USP24: variants seen among roughly 807,000 people sequenced by gnomAD.
The protein encoded by USP24 is ubiquitin carboxyl-terminal hydrolase 24.
A neutral mutation model predicts 361.6 loss-of-function variants in USP24; 97 were observed. The observed-to-expected ratio is 0.27, with a 90% CI of 0.23 to 0.32. The LOEUF is 0.32. Among genes scored for constraint, USP24 ranks in the 10% least tolerant of loss-of-function variants. The pLI is 1.00. For missense variants in USP24, 2,353 were observed against 3,165.6 expected (o/e 0.74, Z 6.16); for synonymous variants, 1,098 against 1,124.6 (o/e 0.98, Z 0.47).
At chr1:55,171,414 G>T (rs1649429637) in intron 5 of USP24, 142 bp downstream of exon 5, 1 of 1,045,756 alleles carries the variant, frequency 9.6e-7, no homozygotes, top group Non-Finnish European at 1.3e-6. Flanking sequence ...AAAAAATGTA[G>T]GCAATTTTAT....
intron 1 of USP24, among the ~76,000 whole-genome samples, chr1:55,199,434 T>C (rs1569768904): frequency 6.6e-6 from 1 of 152,206 alleles, no homozygotes. Flanking sequence ...AACTAAATAA[T>C]AGACAATATT....
intron 64 of USP24, 165 bp from the exon 65 acceptor site, chr1:55,073,026 T>C: frequency 1.6e-6 from 1 of 635,356 alleles, no homozygotes; most frequent in Non-Finnish European, 2.6e-6. Context: ...AGACAGAAAT[T>C]ACAATTGCTT....
rs751181453 is a variant in USP24, at chr1:55,106,285, A to G, written c.4763-22T>C. On this transcript the variant is annotated intron_variant, in intron 40 of 67. Coordinates refer to ENST00000294383, the MANE Select transcript of USP24 (RefSeq NM_015306.3). The stretch of plus-strand genomic sequence containing the variant: ...GAACCTGGAATAGAGCATAATATTC[A>G]TGTTGAAGATGAACACATATTTTAA... 4.6e-6 allele frequency: 7 copies of G among 1,532,024 alleles called. No individual in the cohort carries two copies. In the East Asian group the frequency reaches 1.6e-4, roughly 35 times the overall value. The allele number at this position is 1,532,024 out of a possible 1,614,324, so 94.9% of individuals were successfully genotyped here.
At chr1:55,071,971 T>C in intron 66 of USP24, 47 bp from the exon 67 acceptor site, 2 of 1,523,214 alleles carry the variant, frequency 1.3e-6, no homozygotes, top group Non-Finnish European at 1.8e-6. Context: ...GCCCATTCAG[T>C]GGCAGCAGCA....
intron 38 of USP24, 78 bp downstream of exon 38, chr1:55,120,518 G>C (rs768758278): frequency 7.1e-7 from 1 of 1,415,892 alleles, no homozygotes; most frequent in Non-Finnish European, 9.3e-7. Flanking sequence ...ATGCACTGTG[G>C]ACTTCAGGGG....
At chr1:55,110,932 CAT>C (rs1280772107) in intron 38 of USP24, among the ~76,000 whole-genome samples, 10 of 151,962 alleles carry the variant, frequency 6.6e-5, no homozygotes, top group Admixed American at 2.0e-4. Flanking sequence ...TATACACAAA[CAT>C]ATAGAAAAGG....
At chr1:55,147,935 A>G (rs1009648241) in intron 17 of USP24, 137 bp from the exon 18 acceptor site, 1 of 852,852 alleles carries the variant, frequency 1.2e-6, no homozygotes, top group African/African-American at 1.7e-5. Context: ...CGTATTTCCT[A>G]CACAAAAGTA....
At chr1:55,168,136 A>G (rs2100789155) in intron 5 of USP24, among the ~76,000 whole-genome samples, 1 of 152,310 alleles carries the variant, frequency 6.6e-6, no homozygotes, top group African/African-American at 2.4e-5. Context: ...AAGGCACTGC[A>G]GTATCCTGAA....
intron 5 of USP24, among the ~76,000 whole-genome samples, chr1:55,168,409 T>C (rs1316293427): frequency 6.6e-6 from 1 of 151,628 alleles, no homozygotes; most frequent in Non-Finnish European, 1.5e-5. Context: ...AAAAATATAG[T>C]TGAGTTGACA....
chr1:55,127,500 C>T (rs1489444181), intron 32 of USP24, among the ~76,000 whole-genome samples: 1 of 152,148 alleles, frequency 6.6e-6, no homozygotes, highest in Non-Finnish European at 1.5e-5. Flanking sequence ...CAAGTCTTTG[C>T]TATTGTGAAT....
intron 38 of USP24, among the ~76,000 whole-genome samples, chr1:55,112,571 T>C (rs1025701751): frequency 2.6e-5 from 4 of 152,234 alleles, no homozygotes; most frequent in African/African-American, 7.2e-5. Context: ...AGTTTCCATG[T>C]AGTTGTGCGA....
intron 5 of USP24, among the ~76,000 whole-genome samples, chr1:55,168,085 A>G (rs1365381837): frequency 6.6e-6 from 1 of 152,170 alleles, no homozygotes; most frequent in Non-Finnish European, 1.5e-5. Flanking sequence ...GAGGTGAAGG[A>G]GTCAACAGAG....
chr1:55,067,095 A>G lies in USP24; in HGVS notation c.*1950T>C, dbSNP rs1275448545. On this transcript the variant is annotated 3_prime_UTR_variant, in exon 68 of 68. Transcript: ENST00000294383. ...CTTTACAGTGAGGACGGCAGGTGCT[A>G]GGGGTGCGGAAGGCGTTGTTTCCAT... 6.6e-6 allele frequency: 1 copy of G among 152,158 alleles called. No individual in the cohort carries two copies. Among genetic ancestry groups the G allele is most frequent in the Non-Finnish European group, 1.5e-5 (1 of 68,036 alleles). 9.4% of individuals were successfully genotyped at this position (152,158 alleles called of 1,614,324 possible). A position where few individuals can be genotyped will look rare whatever the true frequency, so the allele number is the denominator to read the frequency against.
intron 51 of USP24, among the ~76,000 whole-genome samples, chr1:55,094,969 C>A (rs1195787310): frequency 6.6e-6 from 1 of 151,924 alleles, no homozygotes; most frequent in Non-Finnish European, 1.5e-5. Flanking sequence ...TGCCACTGCA[C>A]TCCAGCCTGG....
In USP24 at chr1:55,077,170, A is replaced by G. The variant is rs1645046194; in HGVS notation, c.7380+65T>C. On this transcript the variant is annotated intron_variant, in intron 62 of 67. Coordinates refer to ENST00000294383, the MANE Select transcript of USP24 (RefSeq NM_015306.3). ...ATAATAAAAAGACATATAATTTTTT[A>G]TTTATAAACACTTGTTGACTAATAC... The G allele has an allele frequency of 5.3e-6, 7 of 1,320,670 alleles. No homozygotes were observed. The South Asian group carries it at 1.1e-4, about 21-fold the overall frequency. 81.8% of individuals were successfully genotyped at this position (1,320,670 alleles called of 1,614,324 possible).
Position 55,147,796 on chromosome 1 carries a change from G to A in USP24, c.1971C>T (p.Ser657=), listed in dbSNP as rs1247729137. Residue 657 remains serine (S), a splice_region_variant and synonymous_variant, in exon 18 of 68, where the codon AGC becomes AGT. Coordinates refer to ENST00000294383, the MANE Select transcript of USP24 (RefSeq NM_015306.3). ...AATTCTTCTTCAAGTCTTGAATAAT[G>A]CTCTTGGCGAAAATAACAAAAAGAA... ...IKQTYQKQDK[S]IIQDLKKNFE... is the part of the protein sequence containing the mutation. 4.3e-6 allele frequency: 7 copies of A among 1,610,644 alleles called. No individual in the cohort carries two copies. The highest frequency in any genetic ancestry group is 4.2e-6 in the Non-Finnish European group (5 of 1,178,356).
chr1:55,146,197 A>C, intron 19 of USP24, 88 bp from the exon 20 acceptor site: 1 of 893,594 alleles, frequency 1.1e-6, no homozygotes. Flanking sequence ...GATACATTTT[A>C]ATACTTCAAA....
intron 19 of USP24, among the ~76,000 whole-genome samples, chr1:55,146,593 G>A (rs1009559203): frequency 2.0e-5 from 3 of 152,128 alleles, no homozygotes; most frequent in Non-Finnish European, 2.9e-5. Context: ...TTTTTGGGGT[G>A]CAACATCATT....
intron 1 of USP24, among the ~76,000 whole-genome samples, chr1:55,202,883 G>C (rs1403673784): frequency 1.3e-5 from 2 of 152,076 alleles, no homozygotes; most frequent in Non-Finnish European, 2.9e-5. Context: ...ATAAACTTAT[G>C]AATAACCAAT....
Sources: allele counts gnomAD v4.1 joint callset (sites outside exome capture counted in the v4.1 genomes callset), GRCh38; gene constraint gnomAD v4.1.1; transcripts MANE v1.5; gene names NCBI Gene and HGNC (gene_info 2026-07-23, HGNC 2026-07-21).